The following AGBL1 variants were observed in gnomAD, a reference collection of about 807,000 sequenced individuals.
AGBL1 encodes cytosolic carboxypeptidase 4.
Under a neutral mutation model 118.9 loss-of-function variants are expected in AGBL1, and 130 were observed. The ratio of observed to expected loss-of-function variants is 1.09; its 90% confidence interval spans 0.95 to 1.26. AGBL1 has a LOEUF of 1.26. AGBL1 is among the 50% of genes most tolerant of loss of function. The pLI is 0.00. For synonymous variants in AGBL1, 555 were observed against 478.9 expected, an observed-to-expected ratio of 1.16 and a Z score of -2.08; for missense variants, 1,584 against 1,298.1, an observed-to-expected ratio of 1.22 and a Z score of -3.38.
At chr15:86,509,467 A>G (rs982006878) in intron 18 of AGBL1, among the ~76,000 whole-genome samples, 54 of 152,128 alleles carry the variant, frequency 3.5e-4, no homozygotes, top group African/African-American at 2.4e-5. Context: ...AGTTTGTAGA[A>G]AATCTTGAAT....
intron 18 of AGBL1, among the ~76,000 whole-genome samples, chr15:86,433,478 T>C (rs760461611): frequency 6.6e-6 from 1 of 152,076 alleles, no homozygotes; most frequent in Non-Finnish European, 1.5e-5. Context: ...AAACATTGAA[T>C]GAAATATATC....
At chr15:86,231,203 G>GGGATTC (rs1262764902) in intron 6 of AGBL1, among the ~76,000 whole-genome samples, 4 of 152,146 alleles carry the variant, frequency 2.6e-5, no homozygotes, top group African/African-American at 9.7e-5. Context: ...CAAAGGAACT[G>GGGATTC]GGATTCTACT....
At chr15:86,415,961 T>C (rs2081688224) in intron 18 of AGBL1, among the ~76,000 whole-genome samples, 1 of 152,222 alleles carries the variant, frequency 6.6e-6, no homozygotes, top group African/African-American at 2.4e-5. Context: ...TATGTCATAG[T>C]ATTTTCACAT....
At chr15:86,230,817 T>C (rs1009794623) in intron 6 of AGBL1, among the ~76,000 whole-genome samples, 1 of 152,186 alleles carries the variant, frequency 6.6e-6, no homozygotes, top group African/African-American at 2.4e-5. Flanking sequence ...ATTGAGGTAA[T>C]TGACACATGC....
chr15:86,176,544 G>A lies in AGBL1; in HGVS notation c.488+17518G>A, dbSNP rs28716347. On this transcript the variant is annotated intron_variant, in intron 5 of 22. Transcript: ENST00000614907. ...GCCATTCACTAGGGTGTAGAACACC[G>A]CGTGGGCTAGAGTGCTGGGGACCTG... 4.4e-3 allele frequency among the ~76,000 whole-genome samples: 667 copies of A among 152,314 alleles called. 4 individuals carry two copies. The highest frequency in any genetic ancestry group is 0.015 in the African/African-American group (634 of 41,572).
intron 22 of AGBL1, among the ~76,000 whole-genome samples, chr15:86,895,634 TTTTA>T (rs1414370827): frequency 3.3e-5 from 5 of 149,568 alleles, no homozygotes; most frequent in African/African-American, 1.0e-4. Context: ...GCTTTAACAT[TTTTA>T]TTTATTTGTT....
At position 86,295,340 on chromosome 15, in the gene AGBL1, A is replaced by G. The variant is rs1398520217; in HGVS notation, c.2306A>G (p.Asn769Ser). ...QDVLCQTLGGNPCPLVTITAM... is the reference protein window; with the variant it reads ...QDVLCQTLGGSPCPLVTITAM... ...GTTCTCTGCCAGACGCTGGGAGGGA[A>G]TCCGTGTCCCTTGGTGACCATCACG... The change falls in exon 17 of 23, where the codon AAT becomes AGT. Residue 769 changes from asparagine to serine, a missense_variant. Coordinates refer to ENST00000614907, the MANE Select transcript of AGBL1 (RefSeq NM_001386094.1). 1.2e-6 allele frequency: 2 copies of G among 1,613,216 alleles called. No homozygotes were observed. The highest frequency in any genetic ancestry group is 2.2e-5 in the East Asian group (1 of 44,872).
At chr15:86,207,679 C>T (rs990683375) in intron 5 of AGBL1, among the ~76,000 whole-genome samples, 2 of 152,186 alleles carry the variant, frequency 1.3e-5, no homozygotes, top group African/African-American at 4.8e-5. Context: ...TGAGACTTTG[C>T]TGAAGTTGCT....
intron 5 of AGBL1, among the ~76,000 whole-genome samples, chr15:86,180,874 G>A (rs976522832): frequency 1.3e-5 from 2 of 152,056 alleles, no homozygotes; most frequent in Non-Finnish European, 2.9e-5. Flanking sequence ...GAACAGATAT[G>A]TCACTAGAGA....
chr15:86,236,846 G>A (rs62013795), intron 6 of AGBL1, among the ~76,000 whole-genome samples: 4,027 of 84,462 alleles, frequency 0.048, 65 homozygotes, highest in Middle Eastern at 0.099. Flanking sequence ...CACATAGCCC[G>A]GGGAAAAAAC....
At chr15:87,022,724 T>TA (rs1330829191) in intron 24 of AGBL1, among the ~76,000 whole-genome samples, 1 of 151,842 alleles carries the variant, frequency 6.6e-6, no homozygotes, top group African/African-American at 2.4e-5. Context: ...GGTAACCTAT[T>TA]AAAATAAAGA....
intron 20 of AGBL1, among the ~76,000 whole-genome samples, chr15:86,546,805 G>T (rs2083590116): frequency 6.6e-6 from 1 of 152,124 alleles, no homozygotes; most frequent in Admixed American, 6.6e-5. Flanking sequence ...AAGGCAACAA[G>T]CTATTGCATA....
At chr15:86,306,076 G>A (rs1041819601) in intron 17 of AGBL1, among the ~76,000 whole-genome samples, 8 of 151,978 alleles carry the variant, frequency 5.3e-5, no homozygotes, top group Non-Finnish European at 1.0e-4. Context: ...CACATGAAAT[G>A]TTTTGATACA....
At chr15:86,703,878 G>A (rs919118262) in intron 22 of AGBL1, among the ~76,000 whole-genome samples, 2 of 152,010 alleles carry the variant, frequency 1.3e-5, no homozygotes, top group Non-Finnish European at 2.9e-5. Flanking sequence ...CATGCTACCA[G>A]AGTTCAAACT....
rs111928550 is a variant in AGBL1, at chr15:86,678,163, C to G, written c.3158+3727C>G. On this transcript the variant is annotated intron_variant, in intron 22 of 22. Transcript: ENST00000614907. The stretch of plus-strand genomic sequence containing the variant: ...TAACATCCACTCTTCTATCATTTCT[C>G]AAGAATGTTATATATTGTCATTAAC... Among the ~76,000 whole-genome samples the G allele has an allele frequency of 1.5e-3, 225 of 152,250 alleles. 2 individuals are homozygous for G. The highest frequency in any genetic ancestry group is 5.1e-3 in the African/African-American group (214 of 41,560).
chr15:86,413,456 C>T (rs1444646174), intron 18 of AGBL1, among the ~76,000 whole-genome samples: 1 of 152,156 alleles, frequency 6.6e-6, no homozygotes, highest in African/African-American at 2.4e-5. Context: ...TGCATGCTGT[C>T]TTCCATAGGG....
At chr15:86,944,800 A>G (rs1177607489) in intron 23 of AGBL1, among the ~76,000 whole-genome samples, 2 of 152,148 alleles carry the variant, frequency 1.3e-5, no homozygotes, top group African/African-American at 4.8e-5. Flanking sequence ...TCCATTTTCA[A>G]TTTTCTTAAG....
chr15:86,772,984 C>T (rs1171584682), intron 22 of AGBL1, among the ~76,000 whole-genome samples: 1 of 151,956 alleles, frequency 6.6e-6, no homozygotes, highest in Non-Finnish European at 1.5e-5. Flanking sequence ...ACGTGCAAAA[C>T]TGAGCCACTG....
chr15:86,162,806 G>T (rs192799346), intron 5 of AGBL1, among the ~76,000 whole-genome samples: 63 of 152,270 alleles, frequency 4.1e-4, no homozygotes, highest in African/African-American at 1.5e-3. Context: ...CTATCTCTGA[G>T]TGTGGCATTC....
Sources: allele counts gnomAD v4.1 joint callset (sites outside exome capture counted in the v4.1 genomes callset), GRCh38; gene constraint gnomAD v4.1.1; transcripts MANE v1.5; gene names NCBI Gene and HGNC (gene_info 2026-07-23, HGNC 2026-07-21).